The following RBFOX1 variants were observed in gnomAD, a reference collection of about 807,000 sequenced individuals.
The protein encoded by RBFOX1 is RNA binding protein fox-1 homolog 1.
Under a neutral mutation model 57.7 loss-of-function variants are expected in RBFOX1, and 8 were observed. That is an observed-to-expected ratio of 0.14 (90% confidence interval 0.08 to 0.25). The LOEUF (loss-of-function observed/expected upper bound fraction) is 0.25, where lower values mean the gene tolerates loss of function less well. RBFOX1 is among the 10% of genes least tolerant of loss of function. The pLI, the probability that RBFOX1 is intolerant of heterozygous loss-of-function variation, is 1.00. For synonymous variants in RBFOX1, 326 were observed against 222.4 expected (o/e 1.47, Z -4.15); for missense variants, 611 against 548.5 (o/e 1.11, Z -1.14).
intron 1 of RBFOX1, among the ~76,000 whole-genome samples, chr16:5,321,521 T>C (rs1204706288): frequency 1.3e-5 from 2 of 152,080 alleles, no homozygotes; most frequent in Admixed American, 1.3e-4. Flanking sequence ...GGGTTTTCAC[T>C]GTGTTAGCCA....
At chr16:5,906,632 C>G (rs934538760) in intron 4 of RBFOX1, among the ~76,000 whole-genome samples, 1 of 149,744 alleles carries the variant, frequency 6.7e-6, no homozygotes, top group Non-Finnish European at 1.5e-5. Context: ...GACTGGGAGT[C>G]GGGACATGTG....
intron 1 of RBFOX1, among the ~76,000 whole-genome samples, chr16:6,279,427 T>A (rs995987637): frequency 6.6e-6 from 1 of 152,194 alleles, no homozygotes; most frequent in African/African-American, 2.4e-5. Flanking sequence ...TCTTTGACAA[T>A]CTGTAAACAG....
intron 1 of RBFOX1, among the ~76,000 whole-genome samples, chr16:6,299,151 C>T (rs1293805322): frequency 2.6e-5 from 4 of 152,186 alleles, no homozygotes. Flanking sequence ...ATGAAAGGGG[C>T]AGGCTGAATA....
chr16:5,707,582 G>T (rs2051300445), intron 3 of RBFOX1, among the ~76,000 whole-genome samples: 1 of 152,176 alleles, frequency 6.6e-6, no homozygotes, highest in African/African-American at 2.4e-5. Context: ...CAACACTCCA[G>T]CTATAAGTAC....
intron 3 of RBFOX1, among the ~76,000 whole-genome samples, chr16:5,787,186 G>A (rs1006073040): frequency 6.6e-6 from 1 of 152,160 alleles, no homozygotes; most frequent in African/African-American, 2.4e-5. Flanking sequence ...TTGTGAAGAA[G>A]ACTTTGTAAT....
chr16:5,744,587 G>T lies in RBFOX1; in HGVS notation c.319-122716G>T, dbSNP rs117150819. Among the ~76,000 whole-genome samples the T allele has an allele frequency of 8.6e-3, 1,307 of 152,248 alleles. 14 individuals are homozygous for T. Among genetic ancestry groups the T allele is most frequent in the South Asian group, 0.038 (182 of 4,828 alleles). ...TACAACACAGACATTGGCACACAAT[G>T]TAAATCAGGGCTTTTTGTGAGGAGT... On this transcript the variant is annotated intron_variant, in intron 3 of 19. Coordinates refer to the RBFOX1 transcript ENST00000641259.
intron 3 of RBFOX1, among the ~76,000 whole-genome samples, chr16:6,822,885 G>A (rs995576086): frequency 1.3e-5 from 2 of 152,188 alleles, no homozygotes; most frequent in African/African-American, 2.4e-5. Context: ...TTCACATAAA[G>A]GGCATGCATT....
In RBFOX1 at chr16:7,465,720, T is replaced by C. The variant is rs1049287646; in HGVS notation, c.28-52427T>C. Among the ~76,000 whole-genome samples the C allele has an allele frequency of 3.9e-5, 6 of 152,314 alleles. No homozygotes were observed. In the East Asian group the frequency reaches 7.7e-4, roughly 20 times the overall value. On this transcript the variant is annotated intron_variant, in intron 4 of 15. Transcript: ENST00000550418. ...TGGGTCAATAGGAGCACTCATTAAA[T>C]GCAGATTTGTGGGTCCCTCTTCAAG...
At chr16:7,543,612 A>T (rs566984902) in intron 5 of RBFOX1, among the ~76,000 whole-genome samples, 3 of 151,586 alleles carry the variant, frequency 2.0e-5, no homozygotes, top group Admixed American at 6.6e-5. Context: ...ACCATTGCTT[A>T]AGGATTTCTT....
chr16:7,224,615 G>C (rs1406738833), intron 4 of RBFOX1, among the ~76,000 whole-genome samples: 2 of 152,140 alleles, frequency 1.3e-5, no homozygotes, highest in East Asian at 1.9e-4. Context: ...GGGTGGGTTA[G>C]GGGGAGGTAA....
intron 2 of RBFOX1, among the ~76,000 whole-genome samples, chr16:6,522,815 T>C (rs2096526652): frequency 6.6e-6 from 1 of 152,202 alleles, no homozygotes. Context: ...TGCCTTGACC[T>C]GCAGGTTTTG....
In RBFOX1 at chr16:6,910,051, A is replaced by G. The variant is rs537500156; in HGVS notation, c.-15-142006A>G. ...TTCATTACTCTTACCTCTACAGGCT[A>G]CAAGTCTCCTAGGAAGGGATATTGT... On this transcript the variant is annotated intron_variant, in intron 3 of 15. Transcript: ENST00000550418. Among the ~76,000 whole-genome samples the G allele has an allele frequency of 1.6e-4, 25 of 152,128 alleles. No homozygotes were observed. The East Asian group carries it at 4.1e-3, about 25-fold the overall frequency.
chr16:7,710,344 G>A (rs949015105), intron 15 of RBFOX1: 32 of 1,268,048 alleles, frequency 2.5e-5, no homozygotes, highest in Non-Finnish European at 3.1e-5. Flanking sequence ...AAATGAGACA[G>A]TGAAAATCCT....
intron 3 of RBFOX1, among the ~76,000 whole-genome samples, chr16:5,724,399 T>A (rs1230607283): frequency 6.6e-6 from 1 of 152,092 alleles, no homozygotes; most frequent in African/African-American, 2.4e-5. Flanking sequence ...GTGATGGGCC[T>A]CATTTGGTCA....
At chr16:5,434,410 C>T (rs533589782) in intron 1 of RBFOX1, among the ~76,000 whole-genome samples, 59 of 146,606 alleles carry the variant, frequency 4.0e-4, no homozygotes, top group African/African-American at 1.4e-3. Context: ...CAACCTCCAC[C>T]TCCCAAGTTC....
chr16:5,913,201 G>A (rs7188631), intron 4 of RBFOX1, among the ~76,000 whole-genome samples: 74,182 of 152,050 alleles, frequency 0.49, 19,102 homozygotes, highest in African/African-American at 0.65. Context: ...AGCCACACAC[G>A]GGTGCATGAC....
At chr16:5,551,730 A>G (rs11643126) in intron 2 of RBFOX1, among the ~76,000 whole-genome samples, 57,527 of 151,764 alleles carry the variant, frequency 0.38, 11,217 homozygotes, top group Non-Finnish European at 0.42. Flanking sequence ...CTATGAGCCT[A>G]TCATCTGGAT....
At chr16:7,063,771 A>G (rs952542204) in intron 4 of RBFOX1, among the ~76,000 whole-genome samples, 1 of 152,236 alleles carries the variant, frequency 6.6e-6, no homozygotes, top group Non-Finnish European at 1.5e-5. Flanking sequence ...ATCATTCCCT[A>G]AACATTCTGG....
intron 2 of RBFOX1, among the ~76,000 whole-genome samples, chr16:5,524,042 C>G (rs1197417480): frequency 6.6e-6 from 1 of 152,218 alleles, no homozygotes; most frequent in Non-Finnish European, 1.5e-5. Context: ...ACCTCATAAA[C>G]TGTGCTGTTT....
Sources: gnomAD v4.1 joint callset for allele counts (sites outside exome capture counted in the v4.1 genomes callset) on GRCh38, gnomAD v4.1.1 for gene constraint, MANE v1.5 for transcripts, NCBI Gene and HGNC (gene_info 2026-07-23, HGNC 2026-07-21) for gene names.